The following MAP3K9 variants were observed in gnomAD, a reference collection of about 807,000 sequenced individuals.
MAP3K9 encodes the protein mixed lineage kinase 1 (tyr and ser/thr specificity).
In MAP3K9, 46 loss-of-function variants were observed where a neutral mutation model predicts 95.8. The observed-to-expected ratio is 0.48, with a 90% confidence interval of 0.38 to 0.61. The LOEUF (loss-of-function observed/expected upper bound fraction) is 0.61, where lower values mean the gene tolerates loss of function less well. MAP3K9 is among the 20% of genes least tolerant of loss of function. The probability of loss-of-function intolerance (pLI) is 0.00; values close to 1 mark genes in which losing one functional copy is unlikely to be tolerated. For synonymous variants in MAP3K9, 533 were observed against 593.8 expected (o/e 0.90, Z 1.49); for missense variants, 1,296 against 1,474.3 (o/e 0.88, Z 1.98).
intron 8 of MAP3K9, among the ~76,000 whole-genome samples, chr14:70,737,459 G>A (rs1300287661): frequency 1.3e-5 from 2 of 152,196 alleles, no homozygotes; most frequent in Admixed American, 6.5e-5. Context: ...TGCCTTGCCT[G>A]TGAAGAACCC....
At chr14:70,777,647 T>TG (rs926966383) in intron 2 of MAP3K9, among the ~76,000 whole-genome samples, 75 of 152,290 alleles carry the variant, frequency 4.9e-4, no homozygotes, top group African/African-American at 1.8e-3. Context: ...TAAGGACCAC[T>TG]GGTCACCAGA....
chr14:70,790,089 T>C (rs927689914), intron 2 of MAP3K9, among the ~76,000 whole-genome samples: 1 of 152,310 alleles, frequency 6.6e-6, no homozygotes, highest in African/African-American at 2.4e-5. Context: ...AGGAAGGCTG[T>C]CCTTGGATTA....
chr14:70,730,732 G>C lies in MAP3K9; in HGVS notation c.2963C>G (p.Thr988Ser). ...ACGCGGCCGAGGCAGAAACTCCAGA[G>C]TCTTGGGTCTCTCCAAGGTAGAGTC... is the stretch of plus-strand genomic sequence containing the variant. ...QQDSTLERPK[T>S]LEFLPRPRPS... The change falls in exon 12 of 12, where the codon ACT (threonine) becomes AGT (serine). Residue 988 changes from threonine (T) to serine (S), a missense_variant. Physicochemically the swap from Thr to Ser is moderately conservative, Grantham distance 58. Around this residue, in one of 5 missense-constraint regions of MAP3K9, gnomAD observed 433 missense variants for 441.4 expected, o/e 0.98. Transcript: ENST00000554752. 1 of 1,613,928 alleles carries C rather than the reference G, an allele frequency of 6.2e-7. No homozygotes were observed. The highest frequency in any genetic ancestry group is 8.5e-7 in the Non-Finnish European group (1 of 1,180,034).
At chr14:70,749,493 T>A (rs2054196413) in intron 4 of MAP3K9, 1 of 165,094 alleles carries the variant, frequency 6.1e-6, no homozygotes, top group Admixed American at 6.1e-5. Context: ...GCTCAGCCAC[T>A]CTCTAATGAG....
intron 2 of MAP3K9, among the ~76,000 whole-genome samples, chr14:70,772,980 C>T (rs1353504512): frequency 6.6e-6 from 1 of 152,154 alleles, no homozygotes; most frequent in African/African-American, 2.4e-5. Context: ...CCATATTAAA[C>T]ACTAAGAAAA....
At chr14:70,754,792 T>G (rs1485065317) in intron 3 of MAP3K9, among the ~76,000 whole-genome samples, 2 of 152,098 alleles carry the variant, frequency 1.3e-5, no homozygotes, top group African/African-American at 2.4e-5. Flanking sequence ...TTTTTAAACT[T>G]AAAATGATTA....
chr14:70,733,949 T>C (rs1230404235), intron 10 of MAP3K9, among the ~76,000 whole-genome samples: 1 of 152,246 alleles, frequency 6.6e-6, no homozygotes, highest in Non-Finnish European at 1.5e-5. Flanking sequence ...GACTTGTAAC[T>C]GAGGCCTTTC....
chr14:70,794,990 C>CTTTTTTTTTTTTTTTTTTTTT (rs572010694), intron 2 of MAP3K9, among the ~76,000 whole-genome samples: 2 of 76,818 alleles, frequency 2.6e-5, no homozygotes, highest in Non-Finnish European at 4.7e-5. Flanking sequence ...TTTTCTTTTC[C>CTTTTTTTTTTTTTTTTTTTTT]TTTTTTTTTT....
intron 2 of MAP3K9, among the ~76,000 whole-genome samples, chr14:70,792,204 C>T (rs968190616): frequency 1.3e-5 from 2 of 152,240 alleles, no homozygotes; most frequent in Non-Finnish European, 2.9e-5. Flanking sequence ...TGCTAGCTAA[C>T]CTCTGGCATA....
At position 70,760,986 on chromosome 14, in the gene MAP3K9, C is replaced by T. The variant is rs766978642; in HGVS notation, c.1001+16G>A. ...ATGGACCTAGGAAATGCTGTCCCTG[C>T]CCCCCTGGACCTTACCTCCACACAT... On this transcript the variant is annotated intron_variant, in intron 3 of 11. Coordinates refer to ENST00000554752, the MANE Select transcript of MAP3K9 (RefSeq NM_001284230.2). The T allele has an allele frequency of 3.7e-6, 6 of 1,609,180 alleles. No homozygotes were observed. The African/African-American group carries it at 6.7e-5, about 18-fold the overall frequency.
At chr14:70,776,066 G>A (rs973996373) in intron 2 of MAP3K9, among the ~76,000 whole-genome samples, 2 of 152,142 alleles carry the variant, frequency 1.3e-5, no homozygotes, top group East Asian at 1.9e-4. Flanking sequence ...GCGGGCGCCT[G>A]TAATCCCAGC....
chr14:70,794,257 G>C (rs1205643008), intron 2 of MAP3K9, among the ~76,000 whole-genome samples: 1 of 152,176 alleles, frequency 6.6e-6, no homozygotes. Context: ...GGTGTGCCTA[G>C]CCCCAAACCA....
In MAP3K9 at chr14:70,800,682, G is replaced by A; in HGVS notation, c.805C>T (p.Leu269Phe). 6.2e-7 allele frequency: 1 copy of A among 1,613,632 alleles called. No individual in the cohort carries two copies. The highest frequency in any genetic ancestry group is 8.5e-7 in the Non-Finnish European group (1 of 1,179,772). Residue 269 changes from leucine (L) to phenylalanine (F), a missense_variant, in exon 2 of 12, where the codon CTT becomes TTT. Leu to Phe is a conservative substitution (Grantham distance 22). This residue lies in a region of MAP3K9 where 136 missense variants were observed against 221.5 expected (regional missense o/e 0.61). Coordinates refer to ENST00000554752, the MANE Select transcript of MAP3K9 (RefSeq NM_001284230.2). ...EAIVPIIHRD[L>F]KSSNILILQK... Reference sequence around the variant, plus strand: ...TCATACTCACTGTTGCTGGACTTAAGGTCGCGGTGGATGATGGGAACAATT... The same window carrying A: ...TCATACTCACTGTTGCTGGACTTAAAGTCGCGGTGGATGATGGGAACAATT...
At chr14:70,773,211 C>T (rs2139809501) in intron 2 of MAP3K9, among the ~76,000 whole-genome samples, 1 of 152,314 alleles carries the variant, frequency 6.6e-6, no homozygotes, top group Non-Finnish European at 1.5e-5. Flanking sequence ...GAAGGAATTA[C>T]CTGTCTGCTT....
intron 2 of MAP3K9, among the ~76,000 whole-genome samples, chr14:70,792,354 T>C (rs1328866147): frequency 2.6e-5 from 4 of 152,034 alleles, no homozygotes; most frequent in African/African-American, 7.2e-5. Flanking sequence ...AGGACCTGAC[T>C]AAGGAAAAAA....
At chr14:70,761,961 C>G (rs991511978) in intron 2 of MAP3K9, among the ~76,000 whole-genome samples, 1 of 152,188 alleles carries the variant, frequency 6.6e-6, no homozygotes, top group Admixed American at 6.5e-5. Flanking sequence ...TGTCCTTTGT[C>G]TTTATAAATT....
At chr14:70,801,848 G>A (rs974662205) in intron 1 of MAP3K9, among the ~76,000 whole-genome samples, 2 of 152,114 alleles carry the variant, frequency 1.3e-5, no homozygotes, top group South Asian at 2.1e-4. Context: ...TCAGGCAGAC[G>A]GAAGGACAGG....
intron 2 of MAP3K9, among the ~76,000 whole-genome samples, chr14:70,770,058 C>G (rs1173949921): frequency 1.3e-5 from 2 of 152,158 alleles, no homozygotes; most frequent in Non-Finnish European, 2.9e-5. Context: ...AAGAGCCCTT[C>G]CTGGGAAAGT....
At chr14:70,760,643 G>A (rs2054360593) in intron 3 of MAP3K9, among the ~76,000 whole-genome samples, 1 of 152,148 alleles carries the variant, frequency 6.6e-6, no homozygotes, top group Non-Finnish European at 1.5e-5. Flanking sequence ...GCCTAGCATT[G>A]CTGAGCAAGC....
Sources: gnomAD v4.1 joint callset for allele counts (sites outside exome capture counted in the v4.1 genomes callset) on GRCh38, gnomAD v4.1.1 for gene constraint, gnomAD v4.1.1 regional missense constraint, MANE v1.5 for transcripts, NCBI Gene and HGNC (gene_info 2026-07-23, HGNC 2026-07-21) for gene names.